Variants in SWT1 observed in about 807,000 individuals in gnomAD.
The protein encoded by SWT1 is SWT1 RNA endoribonuclease homolog.
SWT1 carries 33 observed loss-of-function variants against 107.3 expected under a neutral mutation model. The observed-to-expected ratio is 0.31, with a 90% CI of 0.23 to 0.41. The LOEUF (loss-of-function observed/expected upper bound fraction) is 0.41, where lower values mean the gene tolerates loss of function less well. Ranked by LOEUF, SWT1 falls within the 10% of genes least tolerant of loss-of-function variation. The probability of loss-of-function intolerance (pLI) is 1.00; values close to 1 mark genes in which losing one functional copy is unlikely to be tolerated. For synonymous variants in SWT1, 345 were observed against 348.3 expected (o/e 0.99, Z 0.11); for missense variants, 898 against 1,028.9 (o/e 0.87, Z 1.74).
intron 10 of SWT1, 85 bp from the exon 11 acceptor site, chr1:185,202,569 A>G (rs1294078937): frequency 3.8e-5 from 45 of 1,177,048 alleles, no homozygotes; most frequent in Non-Finnish European, 5.3e-5. Flanking sequence ...CCTGCCTCTG[A>G]CTAGATCTCA....
At chr1:185,163,037 C>T (rs75585850) in intron 2 of SWT1, among the ~76,000 whole-genome samples, 5,042 of 152,092 alleles carry the variant, frequency 0.033, 268 homozygotes, top group African/African-American at 0.11. Flanking sequence ...TTCAGAGAGT[C>T]ATAATCTTTG....
At chr1:185,175,148 A>G in intron 5 of SWT1, 35 bp downstream of exon 5, 2 of 1,403,890 alleles carry the variant, frequency 1.4e-6, no homozygotes, top group Non-Finnish European at 1.9e-6. Context: ...ATAGGTTTTA[A>G]CTGAGAGTTT....
rs2102502984 is a variant in SWT1, at chr1:185,215,363, G to T, written c.2121+708G>T. Among the ~76,000 whole-genome samples, 3 of 152,010 alleles carry T rather than the reference G, an allele frequency of 2.0e-5. No homozygotes were observed. The South Asian group carries it at 6.2e-4, about 32-fold the overall frequency. The stretch of plus-strand genomic sequence containing the variant: ...TTCCATATGTATTTTCTAAAAATAG[G>T]GATATCCTATGTAACTACAATATAA... On this transcript the variant is annotated intron_variant, in intron 14 of 18. Transcript: ENST00000367500.
intron 18 of SWT1, among the ~76,000 whole-genome samples, chr1:185,286,836 AGTACAAAGTT>A (rs563450994): frequency 1.9e-4 from 29 of 152,304 alleles, no homozygotes; most frequent in Middle Eastern, 3.4e-3. Context: ...AATGTTGAAT[AGTACAAAGTT>A]GTACAAAGTT....
At chr1:185,206,554 C>T in intron 12 of SWT1, 71 bp from the exon 13 acceptor site, 1 of 925,714 alleles carries the variant, frequency 1.1e-6, no homozygotes, top group East Asian at 3.0e-5. Context: ...GTAGGAATTC[C>T]TAAATAGGTA....
chr1:185,159,756 G>A (rs187706180), intron 1 of SWT1, among the ~76,000 whole-genome samples: 21 of 151,660 alleles, frequency 1.4e-4, no homozygotes, highest in Admixed American at 9.9e-4. Context: ...ATGGAGTTTC[G>A]CACTTGTCAC....
intron 14 of SWT1, among the ~76,000 whole-genome samples, chr1:185,217,821 C>T (rs1469062258): frequency 6.6e-6 from 1 of 152,184 alleles, no homozygotes; most frequent in Non-Finnish European, 1.5e-5. Context: ...GTCTGGAACT[C>T]CTGCCCTCAG....
intron 16 of SWT1, among the ~76,000 whole-genome samples, chr1:185,251,777 A>G (rs1227369797): frequency 6.6e-6 from 1 of 150,986 alleles, no homozygotes; most frequent in Non-Finnish European, 1.5e-5. Flanking sequence ...TTGATAAGTA[A>G]AACAATTTAT....
At chr1:185,210,138 T>C (rs891596213) in intron 13 of SWT1, among the ~76,000 whole-genome samples, 3 of 152,224 alleles carry the variant, frequency 2.0e-5, no homozygotes, top group Non-Finnish European at 4.4e-5. Flanking sequence ...GTCAGATCGA[T>C]AGATTGCAAA....
At chr1:185,230,905 C>A (rs1660463639) in intron 15 of SWT1, among the ~76,000 whole-genome samples, 1 of 152,066 alleles carries the variant, frequency 6.6e-6, no homozygotes, top group Non-Finnish European at 1.5e-5. Flanking sequence ...TGCCACCACG[C>A]CTCTCTAATT....
intron 7 of SWT1, 50 bp from the exon 8 acceptor site, chr1:185,184,193 T>G: frequency 1.1e-6 from 1 of 938,154 alleles, no homozygotes; most frequent in Non-Finnish European, 1.6e-6. Flanking sequence ...TTTTAGTCAT[T>G]ATATAAGTCT....
At chr1:185,286,027 G>T (rs991785921) in intron 18 of SWT1, among the ~76,000 whole-genome samples, 18 of 152,028 alleles carry the variant, frequency 1.2e-4, no homozygotes, top group African/African-American at 2.4e-4. Flanking sequence ...TTGTTATTTG[G>T]GATGCCTTGC....
chr1:185,290,944 TGACA>T lies in SWT1; in HGVS notation c.*143_*146del, dbSNP rs1458510795. 3.5e-6 allele frequency: 2 copies of T among 567,026 alleles called. No individual in the cohort carries two copies. The highest frequency in any genetic ancestry group is 3.9e-5 in the African/African-American group (2 of 51,406). The allele number at this position is 567,026 out of a possible 1,614,324, so 35.1% of individuals were successfully genotyped here. A position where few individuals can be genotyped will look rare whatever the true frequency, so the allele number is the denominator to read the frequency against. On this transcript the variant is annotated 3_prime_UTR_variant, in exon 19 of 19. Transcript: ENST00000367500. The stretch of plus-strand genomic sequence containing the variant: ...GTATAAAAAGGTGATCGCCTATTAC[TGACA>T]GTCTCATTGTAGCTCTAAAAAGCCT...
At chr1:185,256,609 C>T (rs1376724925) in intron 16 of SWT1, among the ~76,000 whole-genome samples, 65 of 144,014 alleles carry the variant, frequency 4.5e-4, no homozygotes, top group African/African-American at 1.3e-3. Flanking sequence ...ACGTAGTTCT[C>T]GAGCCTTGGT....
At chr1:185,182,108 A>G (rs757266302) in intron 7 of SWT1, 51 bp downstream of exon 7, 18 of 1,540,884 alleles carry the variant, frequency 1.2e-5, no homozygotes, top group Non-Finnish European at 1.6e-5. Flanking sequence ...CCTAAAAATT[A>G]ATGTGCCAAT....
intron 15 of SWT1, among the ~76,000 whole-genome samples, chr1:185,222,762 CAAAAAA>C (rs59515070): frequency 2.5e-4 from 9 of 36,088 alleles, no homozygotes; most frequent in East Asian, 7.8e-4. Flanking sequence ...GACGCCATCT[CAAAAAA>C]AAAAAAAAAA....
intron 16 of SWT1, among the ~76,000 whole-genome samples, chr1:185,235,880 A>G (rs931251719): frequency 3.9e-5 from 6 of 152,180 alleles, no homozygotes; most frequent in Admixed American, 2.6e-4. Context: ...TCAATGTGCA[A>G]AAATCACAAG....
chr1:185,164,540 G>A (rs1363382001), intron 2 of SWT1, among the ~76,000 whole-genome samples: 1 of 152,170 alleles, frequency 6.6e-6, no homozygotes, highest in Non-Finnish European at 1.5e-5. Flanking sequence ...ATCTCAACTA[G>A]GTTTTTTGTA....
At chr1:185,225,859 T>C (rs914295692) in intron 15 of SWT1, among the ~76,000 whole-genome samples, 1 of 152,248 alleles carries the variant, frequency 6.6e-6, no homozygotes, top group African/African-American at 2.4e-5. Context: ...TAAATACTTT[T>C]GTTTAAAAGG....
Sources: gnomAD v4.1 joint callset for allele counts (sites outside exome capture counted in the v4.1 genomes callset) on GRCh38, gnomAD v4.1.1 for gene constraint, MANE v1.5 for transcripts, NCBI Gene and HGNC (gene_info 2026-07-23, HGNC 2026-07-21) for gene names.